CACNA2D3: variants seen among roughly 807,000 people sequenced by gnomAD.
CACNA2D3 encodes voltage-dependent calcium channel subunit alpha-2/delta-3.
Under a neutral mutation model 160.6 loss-of-function variants are expected in CACNA2D3, and 60 were observed. That is an observed-to-expected ratio of 0.37 (90% CI 0.30 to 0.46). The LOEUF is 0.46. Ranked by LOEUF, CACNA2D3 falls within the 20% of genes least tolerant of loss-of-function variation. The probability of loss-of-function intolerance (pLI) is 1.00; values close to 1 mark genes in which losing one functional copy is unlikely to be tolerated. For synonymous variants in CACNA2D3, 558 were observed against 492.9 expected (o/e 1.13, Z -1.75); for missense variants, 1,205 against 1,365.0 (o/e 0.88, Z 1.85).
intron 35 of CACNA2D3, among the ~76,000 whole-genome samples, chr3:55,041,847 A>C: frequency 6.6e-6 from 1 of 152,156 alleles, no homozygotes; most frequent in South Asian, 2.1e-4. Flanking sequence ...TTTTGATATG[A>C]TGCCTTTTAC....
At chr3:54,766,478 G>A (rs1447190388) in intron 13 of CACNA2D3, among the ~76,000 whole-genome samples, 2 of 152,198 alleles carry the variant, frequency 1.3e-5, no homozygotes, top group Non-Finnish European at 2.9e-5. Flanking sequence ...CTCTGTTGGT[G>A]AGGCTATGGG....
At chr3:54,314,680 A>T (rs901118223) in intron 2 of CACNA2D3, among the ~76,000 whole-genome samples, 3 of 152,136 alleles carry the variant, frequency 2.0e-5, no homozygotes, top group Non-Finnish European at 4.4e-5. Context: ...ATTTTTTCAT[A>T]TGTTTCTTGG....
intron 9 of CACNA2D3, among the ~76,000 whole-genome samples, chr3:54,608,531 C>G (rs1438333612): frequency 6.6e-6 from 1 of 152,140 alleles, no homozygotes; most frequent in African/African-American, 2.4e-5. Context: ...GTTTTGCATG[C>G]ACGTGGCCTG....
At position 54,562,810 on chromosome 3, in the gene CACNA2D3, T is replaced by C. The variant is rs1702348950; in HGVS notation, c.555T>C (p.Ile185=). The part of the protein sequence containing the change: ...PTNMYNKDPA[I]VNGVYWSESL... The stretch of plus-strand genomic sequence containing the variant: ...CTTTCTTTTTTACAGACCCTGCAAT[T>C]GTCAATGGGGTTTATTGGTCTGAAT... Residue 185 remains isoleucine, a synonymous_variant, in exon 6 of 38, where the codon ATT becomes ATC. Coordinates refer to ENST00000474759, the MANE Select transcript of CACNA2D3 (RefSeq NM_018398.3). The C allele has an allele frequency of 6.2e-7, 1 of 1,612,370 alleles. No homozygotes were observed. Among genetic ancestry groups the C allele is most frequent in the South Asian group, 1.1e-5 (1 of 91,020 alleles).
chr3:55,067,255 G>C (rs1387190749), intron 35 of CACNA2D3, among the ~76,000 whole-genome samples: 1 of 152,082 alleles, frequency 6.6e-6, no homozygotes, highest in Non-Finnish European at 1.5e-5. Context: ...TGATCACTCT[G>C]GGTCTGTCCT....
chr3:54,811,894 A>C (rs1395020267), intron 13 of CACNA2D3, among the ~76,000 whole-genome samples: 2 of 152,190 alleles, frequency 1.3e-5, no homozygotes, highest in South Asian at 4.1e-4. Context: ...GTGACCTTGT[A>C]GTTTCAACAT....
rs937024381 is a variant in CACNA2D3 at position 54,590,852 on chromosome 3, T to G, written c.963+8975T>G. Among the ~76,000 whole-genome samples the G allele has an allele frequency of 1.3e-5, 2 of 152,284 alleles. 1 individual carries two copies. On this transcript the variant is annotated intron_variant, in intron 9 of 37. Coordinates refer to ENST00000474759, the MANE Select transcript of CACNA2D3 (RefSeq NM_018398.3). ...GGTGAGAAATTCTTGAAGAGAAGCT[T>G]TATCAAATTAGTGTGAACGGTTGTA...
chr3:54,905,778 G>C (rs1184582055), intron 27 of CACNA2D3, among the ~76,000 whole-genome samples: 1 of 152,162 alleles, frequency 6.6e-6, no homozygotes, highest in African/African-American at 2.4e-5. Flanking sequence ...GAATTATGTG[G>C]TTCACATGTC....
intron 31 of CACNA2D3, among the ~76,000 whole-genome samples, chr3:54,989,130 G>A (rs1220800653): frequency 6.6e-6 from 1 of 152,188 alleles, no homozygotes; most frequent in Non-Finnish European, 1.5e-5. Flanking sequence ...TTTGTATCAT[G>A]TTAACTTCTT....
At chr3:54,554,649 T>C (rs549151472) in intron 5 of CACNA2D3, among the ~76,000 whole-genome samples, 1 of 152,108 alleles carries the variant, frequency 6.6e-6, no homozygotes, top group East Asian at 1.9e-4. Context: ...CTTCTACAGA[T>C]GAAGGCACTG....
At chr3:54,806,897 C>T (rs938161103) in intron 13 of CACNA2D3, among the ~76,000 whole-genome samples, 3 of 152,286 alleles carry the variant, frequency 2.0e-5, no homozygotes, top group Admixed American at 2.0e-4. Context: ...AGAAATAATG[C>T]TGCATATCTA....
At chr3:54,809,282 TCTC>T (rs1023484899) in intron 13 of CACNA2D3, among the ~76,000 whole-genome samples, 28 of 141,646 alleles carry the variant, frequency 2.0e-4, no homozygotes, top group Middle Eastern at 3.5e-3. Context: ...ATCTCTTTCT[TCTC>T]TCTTTCTTTC....
intron 17 of CACNA2D3, 78 bp downstream of exon 17, chr3:54,846,545 T>G (rs1234229372): frequency 1.9e-5 from 17 of 875,892 alleles, no homozygotes; most frequent in Admixed American, 9.3e-5. Context: ...GTGATGACAC[T>G]TTGCTGCAGT....
rs114702652 is a variant in CACNA2D3, at chr3:54,324,385, C to T, written c.321+3827C>T. Among the ~76,000 whole-genome samples, 407 of 152,306 alleles carry T rather than the reference C, an allele frequency of 2.7e-3. 4 individuals carry two copies. The highest frequency in any genetic ancestry group is 9.4e-3 in the African/African-American group (391 of 41,560). Reference sequence around the variant, plus strand: ...AATGTGAAACCTAAAGTGGCCTGCCCATTACATAACCCCTGTCATCTCATT... The same window carrying T: ...AATGTGAAACCTAAAGTGGCCTGCCTATTACATAACCCCTGTCATCTCATT... On this transcript the variant is annotated intron_variant, in intron 3 of 37. Coordinates refer to ENST00000474759, the MANE Select transcript of CACNA2D3 (RefSeq NM_018398.3).
intron 2 of CACNA2D3, among the ~76,000 whole-genome samples, chr3:54,125,612 A>G (rs1376194513): frequency 2.0e-5 from 3 of 152,174 alleles, no homozygotes; most frequent in Non-Finnish European, 2.9e-5. Flanking sequence ...GCTTTGGGTT[A>G]CTTGGCAGAG....
chr3:54,171,289 A>G (rs906736817), intron 2 of CACNA2D3, among the ~76,000 whole-genome samples: 1 of 151,906 alleles, frequency 6.6e-6, no homozygotes, highest in Admixed American at 6.6e-5. Context: ...GATGATTCTT[A>G]AACCAAATTC....
intron 17 of CACNA2D3, among the ~76,000 whole-genome samples, chr3:54,869,824 A>G (rs1473234920): frequency 2.6e-5 from 4 of 152,336 alleles, no homozygotes; most frequent in Admixed American, 2.6e-4. Flanking sequence ...CACAAGGACC[A>G]GGGCTTCCAT....
In CACNA2D3 at chr3:55,074,238, A is replaced by C. The variant is rs1478586227; in HGVS notation, c.*32A>C. On this transcript the variant is annotated 3_prime_UTR_variant, in exon 38 of 38. Transcript: ENST00000474759. ...CTGAGATGTTCTCTTACTGACTGAG[A>C]TGTTCTCTTGGCATGCTAAATCATG... 3 of 1,539,458 alleles carry C rather than the reference A, an allele frequency of 1.9e-6. No homozygotes were observed. The highest frequency in any genetic ancestry group is 2.7e-6 in the Non-Finnish European group (3 of 1,111,688).
At chr3:54,824,792 C>T (rs146047078) in intron 14 of CACNA2D3, among the ~76,000 whole-genome samples, 119 of 152,216 alleles carry the variant, frequency 7.8e-4, no homozygotes, top group Admixed American at 2.2e-3. Flanking sequence ...GTAGTGTTGG[C>T]CATGGCAGGG....
Sources: allele counts gnomAD v4.1 joint callset (sites outside exome capture counted in the v4.1 genomes callset), GRCh38; gene constraint gnomAD v4.1.1; transcripts MANE v1.5; gene names NCBI Gene and HGNC (gene_info 2026-07-23, HGNC 2026-07-21).